The following PCDH9 variants were observed in gnomAD, a reference collection of about 807,000 sequenced individuals.
PCDH9 encodes protocadherin-9.
A neutral mutation model predicts 70.6 loss-of-function variants in PCDH9; 24 were observed. That is an observed-to-expected ratio of 0.34 (90% confidence interval 0.25 to 0.48). PCDH9 has a LOEUF of 0.48. PCDH9 is among the 20% of genes least tolerant of loss of function. The pLI is 0.99. For missense variants in PCDH9, 1,281 were observed against 1,503.6 expected, an observed-to-expected ratio of 0.85 and a Z score of 2.45; for synonymous variants, 562 against 558.5, an observed-to-expected ratio of 1.01 and a Z score of -0.09.
intron 3 of PCDH9, among the ~76,000 whole-genome samples, chr13:66,737,366 A>G (rs547117793): frequency 6.6e-6 from 1 of 152,170 alleles, no homozygotes; most frequent in Non-Finnish European, 1.5e-5. Flanking sequence ...CTTTCTCAAT[A>G]TCTCTTTCAG....
At chr13:66,851,296 C>G (rs2081310883) in intron 3 of PCDH9, among the ~76,000 whole-genome samples, 1 of 151,992 alleles carries the variant, frequency 6.6e-6, no homozygotes, top group Admixed American at 6.6e-5. Flanking sequence ...GATTCACAAG[C>G]TCTTTAAAAC....
chr13:67,174,388 C>T (rs7324330), intron 2 of PCDH9, among the ~76,000 whole-genome samples: 99,405 of 151,808 alleles, frequency 0.65, 34,178 homozygotes, highest in Non-Finnish European at 0.77. Context: ...TATTAAAATG[C>T]TCCTGTTTAC....
chr13:66,608,729 A>G (rs2077253271), intron 4 of PCDH9, among the ~76,000 whole-genome samples: 1 of 152,102 alleles, frequency 6.6e-6, no homozygotes, highest in Non-Finnish European at 1.5e-5. Flanking sequence ...TCTTTAGGCA[A>G]AAAGACCTCC....
intron 4 of PCDH9, among the ~76,000 whole-genome samples, chr13:66,514,002 C>A (rs1041183177): frequency 6.6e-6 from 1 of 152,170 alleles, no homozygotes; most frequent in South Asian, 2.1e-4. Flanking sequence ...ATCAACAATT[C>A]TTGGGTGAAT....
Position 67,149,863 on chromosome 13 carries a change from G to A in PCDH9, c.3036+75542C>T, listed in dbSNP as rs188710971. ...TTTAATCGTTATGAACACCCCATATGGTATTTTTAATCCCCATTTTGCAAA... is the reference window on the plus strand; with the variant it reads ...TTTAATCGTTATGAACACCCCATATAGTATTTTTAATCCCCATTTTGCAAA... On this transcript the variant is annotated intron_variant, in intron 2 of 4. Transcript: ENST00000377865. Among the ~76,000 whole-genome samples the A allele has an allele frequency of 6.1e-3, 934 of 152,010 alleles. 10 individuals are homozygous for A. The highest frequency in any genetic ancestry group is 0.021 in the African/African-American group (886 of 41,474).
At chr13:66,679,307 T>C (rs2078286383) in intron 3 of PCDH9, among the ~76,000 whole-genome samples, 1 of 151,752 alleles carries the variant, frequency 6.6e-6, no homozygotes, top group African/African-American at 2.4e-5. Flanking sequence ...ACAATTATAA[T>C]ACCTACATTA....
At chr13:67,212,997 G>A (rs2089500362) in intron 2 of PCDH9, 1 of 151,842 alleles carries the variant, frequency 6.6e-6, no homozygotes, top group Non-Finnish European at 1.5e-5. Context: ...AGATCACGAG[G>A]TCAGGAGATC....
At chr13:67,200,761 G>C (rs1208843000) in intron 2 of PCDH9, among the ~76,000 whole-genome samples, 1 of 151,994 alleles carries the variant, frequency 6.6e-6, no homozygotes, top group Non-Finnish European at 1.5e-5. Flanking sequence ...TGGACATAAT[G>C]AGTACCTGGG....
rs527273756 is a variant in PCDH9, at chr13:66,870,982, C to A, written c.3138+32522G>T. 1.4e-4 allele frequency among the ~76,000 whole-genome samples: 22 copies of A among 152,204 alleles called. No individual in the cohort carries two copies. The East Asian group carries it at 2.7e-3, about 19-fold the overall frequency. ...TATTCACAATAGCAAAGACTTGGAA[C>A]CAACCCAAATGTCCAACAATGATAG... On this transcript the variant is annotated intron_variant, in intron 3 of 4. Transcript: ENST00000377865.
chr13:66,423,240 G>A (rs1957601530), intron 4 of PCDH9, among the ~76,000 whole-genome samples: 2 of 151,776 alleles, frequency 1.3e-5, no homozygotes, highest in Non-Finnish European at 2.9e-5. Context: ...TTCTAACAAA[G>A]GTACAAAGAG....
chr13:66,364,784 A>T (rs9317585), intron 4 of PCDH9, among the ~76,000 whole-genome samples: 2 of 151,950 alleles, frequency 1.3e-5, no homozygotes, highest in Non-Finnish European at 2.9e-5. Context: ...CATAGGTGTG[A>T]GGTGCAGACT....
intron 1 of PCDH9, among the ~76,000 whole-genome samples, chr13:67,228,962 C>T (rs535145543): frequency 6.6e-6 from 1 of 152,214 alleles, no homozygotes; most frequent in Non-Finnish European, 1.5e-5. Flanking sequence ...TATTTAGCTA[C>T]GGTTCCTGCT....
intron 3 of PCDH9, among the ~76,000 whole-genome samples, chr13:66,863,979 G>C: frequency 6.6e-6 from 1 of 152,094 alleles, no homozygotes; most frequent in East Asian, 1.9e-4. Flanking sequence ...AAGCAAACAC[G>C]TTCTTCTTCA....
At chr13:66,787,162 G>A (rs1012928576) in intron 3 of PCDH9, among the ~76,000 whole-genome samples, 1 of 152,140 alleles carries the variant, frequency 6.6e-6, no homozygotes, top group African/African-American at 2.4e-5. Context: ...TCAACCCCAT[G>A]CTGTACCACT....
intron 4 of PCDH9, among the ~76,000 whole-genome samples, chr13:66,382,711 A>G (rs537693452): frequency 6.6e-6 from 1 of 152,288 alleles, no homozygotes; most frequent in East Asian, 1.9e-4. Context: ...AAGCTGTAAT[A>G]TGATCTAAGG....
At chr13:66,989,073 G>A (rs997421116) in intron 2 of PCDH9, among the ~76,000 whole-genome samples, 1 of 151,898 alleles carries the variant, frequency 6.6e-6, no homozygotes, top group African/African-American at 2.4e-5. Context: ...AACAGAATAG[G>A]TGAGTCTAAG....
At chr13:67,098,479 T>A (rs963519275) in intron 2 of PCDH9, among the ~76,000 whole-genome samples, 20 of 152,190 alleles carry the variant, frequency 1.3e-4, no homozygotes, top group African/African-American at 4.8e-4. Flanking sequence ...TGTGTCACTT[T>A]CCTATCTTCT....
At chr13:66,576,677 C>T (rs1208626121) in intron 4 of PCDH9, among the ~76,000 whole-genome samples, 1 of 152,024 alleles carries the variant, frequency 6.6e-6, no homozygotes, top group Non-Finnish European at 1.5e-5. Context: ...TGGGAGCATT[C>T]TCATGGGGAA....
chr13:66,337,241 TA>T (rs1956051665), intron 4 of PCDH9, among the ~76,000 whole-genome samples: 1 of 152,060 alleles, frequency 6.6e-6, no homozygotes, highest in Non-Finnish European at 1.5e-5. Context: ...GGCTCAATAA[TA>T]ATTATAAAAC....
Sources: allele counts gnomAD v4.1 joint callset (sites outside exome capture counted in the v4.1 genomes callset), GRCh38; gene constraint gnomAD v4.1.1; transcripts MANE v1.5; gene names NCBI Gene and HGNC (gene_info 2026-07-23, HGNC 2026-07-21).